The following HMBOX1 variants were observed in gnomAD, a reference collection of about 807,000 sequenced individuals.
The protein encoded by HMBOX1 is homeobox containing 1.
HMBOX1 carries 14 observed loss-of-function variants against 54.5 expected under a neutral mutation model. That is an observed-to-expected ratio of 0.26 (90% confidence interval 0.17 to 0.40). The LOEUF is 0.40. Among genes scored for constraint, HMBOX1 ranks in the 10% least tolerant of loss-of-function variants. The pLI is 1.00. For missense variants in HMBOX1, 332 were observed against 514.4 expected, an observed-to-expected ratio of 0.65 and a Z score of 3.43; for synonymous variants, 160 against 181.0, an observed-to-expected ratio of 0.88 and a Z score of 0.93.
rs1313320214 is a variant in HMBOX1, at chr8:28,988,393, T to C, written c.586+8237T>C. On this transcript the variant is annotated intron_variant, in intron 4 of 9. Coordinates refer to ENST00000287701, the MANE Select transcript of HMBOX1 (RefSeq NM_001135726.3). The stretch of plus-strand genomic sequence containing the variant: ...TTTGAACTAAGCTGCTGTGAACATC[T>C]TGTGTACAAGTTTTTGTGTGGGAAT... 2.0e-5 allele frequency among the ~76,000 whole-genome samples: 3 copies of C among 152,262 alleles called. No homozygotes were observed. The East Asian group carries it at 5.8e-4, about 29-fold the overall frequency.
chr8:28,934,699 G>C (rs911740209), intron 1 of HMBOX1, among the ~76,000 whole-genome samples: 23 of 152,192 alleles, frequency 1.5e-4, no homozygotes, highest in African/African-American at 5.5e-4. Context: ...GCTGAGGCGG[G>C]CGGATCACGA....
At chr8:28,955,393 T>C (rs981919800) in intron 1 of HMBOX1, among the ~76,000 whole-genome samples, 13 of 152,224 alleles carry the variant, frequency 8.5e-5, no homozygotes, top group Non-Finnish European at 1.8e-4. Flanking sequence ...GATGTGCATA[T>C]GTATGTCTGC....
At chr8:28,903,305 A>G (rs1585666005) in intron 1 of HMBOX1, among the ~76,000 whole-genome samples, 1 of 152,248 alleles carries the variant, frequency 6.6e-6, no homozygotes, top group African/African-American at 2.4e-5. Context: ...GGCCTTTGAA[A>G]GGGAATAATC....
chr8:28,997,503 A>G (rs1210855301), intron 4 of HMBOX1, among the ~76,000 whole-genome samples: 1 of 152,034 alleles, frequency 6.6e-6, no homozygotes, highest in East Asian at 1.9e-4. Flanking sequence ...TCAGTTTGCT[A>G]GCATTTTGTT....
At chr8:28,952,868 G>A (rs901702390) in intron 1 of HMBOX1, among the ~76,000 whole-genome samples, 2 of 152,196 alleles carry the variant, frequency 1.3e-5, no homozygotes, top group African/African-American at 4.8e-5. Flanking sequence ...AATGATGCTT[G>A]ACTTCTTGCA....
intron 1 of HMBOX1, among the ~76,000 whole-genome samples, chr8:28,917,655 A>C (rs1199787469): frequency 6.6e-6 from 1 of 152,078 alleles, no homozygotes; most frequent in African/African-American, 2.4e-5. Context: ...TTTATCTTTC[A>C]TTATTAAATA....
intron 1 of HMBOX1, among the ~76,000 whole-genome samples, chr8:28,941,885 A>T (rs1821480359): frequency 6.6e-6 from 1 of 152,182 alleles, no homozygotes. Flanking sequence ...TCTTGCTTAC[A>T]CAAACCCCCC....
chr8:29,049,277 T>C, intron 9 of HMBOX1: 1 of 1,534,500 alleles, frequency 6.5e-7, no homozygotes, highest in Non-Finnish European at 8.7e-7. Flanking sequence ...ATGGATTTAT[T>C]GTCATACAAC....
At chr8:28,922,392 C>T (rs1338811470) in intron 1 of HMBOX1, among the ~76,000 whole-genome samples, 3 of 152,070 alleles carry the variant, frequency 2.0e-5, no homozygotes, top group African/African-American at 7.2e-5. Context: ...ACCAATCGCC[C>T]AAAGATACCA....
intron 6 of HMBOX1, among the ~76,000 whole-genome samples, chr8:29,023,973 C>CA (rs1190116475): frequency 6.6e-6 from 1 of 152,156 alleles, no homozygotes; most frequent in Non-Finnish European, 1.5e-5. Flanking sequence ...GACTGAGAAT[C>CA]ACTGTTTTGT....
intron 4 of HMBOX1, among the ~76,000 whole-genome samples, chr8:29,007,320 T>C (rs1472110780): frequency 2.0e-5 from 3 of 151,800 alleles, no homozygotes; most frequent in Non-Finnish European, 4.4e-5. Context: ...AAAAGTAGTA[T>C]TAAAAAATAA....
At chr8:28,923,803 G>T (rs541422268) in intron 1 of HMBOX1, among the ~76,000 whole-genome samples, 3 of 151,856 alleles carry the variant, frequency 2.0e-5, no homozygotes, top group South Asian at 4.2e-4. Flanking sequence ...TTTAATTTTA[G>T]CCATCGTAGT....
chr8:28,977,287 C>A (rs1418351487), intron 3 of HMBOX1, among the ~76,000 whole-genome samples: 1 of 152,114 alleles, frequency 6.6e-6, no homozygotes, highest in South Asian at 2.1e-4. Flanking sequence ...CCATTTAATT[C>A]TTTTCCCCCA....
At chr8:28,966,077 G>A (rs1826386718) in intron 2 of HMBOX1, among the ~76,000 whole-genome samples, 2 of 152,052 alleles carry the variant, frequency 1.3e-5, no homozygotes, top group South Asian at 4.1e-4. Context: ...AGATAGTAAT[G>A]TCCTTTTTAC....
chr8:28,967,682 C>T (rs1229949680), intron 2 of HMBOX1, among the ~76,000 whole-genome samples: 6 of 152,102 alleles, frequency 3.9e-5, no homozygotes, highest in African/African-American at 1.4e-4. Context: ...TAGCAACAAA[C>T]AGGTCTACTT....
intron 5 of HMBOX1, 41 bp downstream of exon 5, chr8:29,009,223 AC>A (rs764561123): frequency 6.8e-7 from 1 of 1,466,998 alleles, no homozygotes; most frequent in Non-Finnish European, 9.5e-7. Flanking sequence ...CTGAAACAAG[AC>A]AGATATAATG....
intron 1 of HMBOX1, among the ~76,000 whole-genome samples, chr8:28,910,136 C>T (rs562048517): frequency 1.3e-5 from 2 of 152,312 alleles, no homozygotes; most frequent in East Asian, 1.9e-4. Flanking sequence ...CAGATTTGTA[C>T]TTTCCAGACA....
At chr8:29,013,220 C>T (rs1834438437) in intron 5 of HMBOX1, among the ~76,000 whole-genome samples, 2 of 152,198 alleles carry the variant, frequency 1.3e-5, no homozygotes, top group African/African-American at 2.4e-5. Flanking sequence ...ACTGCAACTT[C>T]TGCCTTTCGG....
chr8:28,902,881 T>C (rs1356305212), intron 1 of HMBOX1, among the ~76,000 whole-genome samples: 2 of 152,222 alleles, frequency 1.3e-5, no homozygotes, highest in African/African-American at 2.4e-5. Context: ...GTGGCAGTTA[T>C]GCAAAATGCA....
Sources: gnomAD v4.1 joint callset for allele counts (sites outside exome capture counted in the v4.1 genomes callset) on GRCh38, gnomAD v4.1.1 for gene constraint, MANE v1.5 for transcripts, NCBI Gene and HGNC (gene_info 2026-07-23, HGNC 2026-07-21) for gene names.